Variants in TMEM163 observed in about 807,000 individuals in gnomAD.
TMEM163 encodes transmembrane protein 163.
A neutral mutation model predicts 29.3 loss-of-function variants in TMEM163; 17 were observed. The observed-to-expected ratio is 0.58, with a 90% confidence interval of 0.40 to 0.87. The LOEUF (loss-of-function observed/expected upper bound fraction) is 0.87. TMEM163 is among the 40% of genes least tolerant of loss of function. The probability of loss-of-function intolerance (pLI) is 0.00; values close to 1 mark genes in which losing one functional copy is unlikely to be tolerated. For missense variants in TMEM163, 303 were observed against 381.5 expected, an observed-to-expected ratio of 0.79 and a Z score of 1.71; for synonymous variants, 157 against 160.6, an observed-to-expected ratio of 0.98 and a Z score of 0.17.
chr2:134,527,905 A>G (rs1205658100), intron 4 of TMEM163, among the ~76,000 whole-genome samples: 4 of 152,212 alleles, frequency 2.6e-5, no homozygotes, highest in Admixed American at 6.5e-5. Context: ...AATATTTCCA[A>G]ATGCCATTCA....
chr2:134,562,521 G>C lies in TMEM163; in HGVS notation c.323-10430C>G, dbSNP rs558097674. ...TTGCCAGGCCACTGAGATGGCCCTTGGTCTGCACTGCTGATTCCAAACACA... is the reference window on the plus strand; with the variant it reads ...TTGCCAGGCCACTGAGATGGCCCTTCGTCTGCACTGCTGATTCCAAACACA... On this transcript the variant is annotated intron_variant, in intron 2 of 7. Coordinates refer to ENST00000281924, the MANE Select transcript of TMEM163 (RefSeq NM_030923.5). Among the ~76,000 whole-genome samples the C allele has an allele frequency of 9.8e-5, 15 of 152,330 alleles. No individual in the cohort carries two copies. The South Asian group carries it at 3.1e-3, about 32-fold the overall frequency.
chr2:134,678,690 C>T (rs1684170231), intron 2 of TMEM163, among the ~76,000 whole-genome samples: 2 of 152,136 alleles, frequency 1.3e-5, no homozygotes, highest in Admixed American at 1.3e-4. Flanking sequence ...TTCCCCAGGT[C>T]GACTGGGCTG....
At chr2:134,458,246 G>A in intron 6 of TMEM163, 73 bp from the exon 7 acceptor site, 1 of 1,574,440 alleles carries the variant, frequency 6.4e-7, no homozygotes, top group South Asian at 1.1e-5. Context: ...TGCCAGTCCT[G>A]CCTCCACGTA....
intron 2 of TMEM163, among the ~76,000 whole-genome samples, chr2:134,647,045 C>G (rs934005171): frequency 2.6e-5 from 4 of 152,178 alleles, no homozygotes; most frequent in African/African-American, 9.7e-5. Flanking sequence ...TGAGAAGTAA[C>G]AAGAAGACAG....
At chr2:134,627,454 A>C (rs1216083928) in intron 2 of TMEM163, among the ~76,000 whole-genome samples, 1 of 152,194 alleles carries the variant, frequency 6.6e-6, no homozygotes, top group Non-Finnish European at 1.5e-5. Flanking sequence ...CTGGGATGTA[A>C]GAGAACACTG....
At chr2:134,625,240 C>CA (rs1226936911) in intron 2 of TMEM163, among the ~76,000 whole-genome samples, 5 of 151,826 alleles carry the variant, frequency 3.3e-5, no homozygotes, top group South Asian at 2.1e-4. Flanking sequence ...TAATGCCTCT[C>CA]AAAAAAAAGA....
intron 5 of TMEM163, among the ~76,000 whole-genome samples, chr2:134,473,256 C>A (rs912163910): frequency 1.3e-5 from 2 of 152,056 alleles, no homozygotes; most frequent in African/African-American, 2.4e-5. Context: ...ATGAGACAGA[C>A]CAGGTGCGGT....
At chr2:134,505,189 A>G (rs546223159) in intron 4 of TMEM163, among the ~76,000 whole-genome samples, 63 of 150,646 alleles carry the variant, frequency 4.2e-4, no homozygotes, top group Non-Finnish European at 7.8e-4. Flanking sequence ...TCAGTCATCA[A>G]CTCAGCACTT....
rs927169510 is a variant in TMEM163, at chr2:134,553,821, GA to G, written c.323-1731del. Among the ~76,000 whole-genome samples, 88 of 152,120 alleles carry G rather than the reference GA, an allele frequency of 5.8e-4. 1 individual carries two copies. The highest frequency in any genetic ancestry group is 1.8e-4 in the Non-Finnish European group (12 of 68,030). The stretch of plus-strand genomic sequence containing the variant: ...TAAAGGGGCACTGGCCCTTCCTGGA[GA>G]ACATCAACTCACCAGCCATGCCAGC... On this transcript the variant is annotated intron_variant, in intron 2 of 7. Transcript: ENST00000281924.
chr2:134,516,846 G>A (rs919185145), intron 4 of TMEM163, among the ~76,000 whole-genome samples: 15 of 148,784 alleles, frequency 1.0e-4, no homozygotes, highest in African/African-American at 3.7e-4. Context: ...GCCAAACTCT[G>A]TCTACGGCCA....
At chr2:134,707,588 G>T (rs970923578) in intron 2 of TMEM163, among the ~76,000 whole-genome samples, 1 of 152,192 alleles carries the variant, frequency 6.6e-6, no homozygotes, top group East Asian at 1.9e-4. Flanking sequence ...GTATTTCAGG[G>T]GTAGGGGAAA....
At chr2:134,513,256 T>C (rs538106570) in intron 4 of TMEM163, among the ~76,000 whole-genome samples, 1 of 151,956 alleles carries the variant, frequency 6.6e-6, no homozygotes, top group South Asian at 2.1e-4. Context: ...AGATCAGGAG[T>C]GCAGCTGTGG....
rs986468890 is a variant in TMEM163 at position 134,684,647 on chromosome 2, C to T, written c.322+28553G>A. 5.3e-5 allele frequency among the ~76,000 whole-genome samples: 8 copies of T among 152,002 alleles called. No individual in the cohort carries two copies. In the East Asian group the frequency reaches 5.8e-4, roughly 11 times the overall value. On this transcript the variant is annotated intron_variant, in intron 2 of 7. Coordinates refer to ENST00000281924, the MANE Select transcript of TMEM163 (RefSeq NM_030923.5). ...ACAGAGAGATACCTTAAAAGCAGGC[C>T]GGGCGAGGTGGCTCATGCCTGTAAT...
chr2:134,671,398 C>A (rs559681564), intron 2 of TMEM163, among the ~76,000 whole-genome samples: 46 of 152,252 alleles, frequency 3.0e-4, no homozygotes, highest in Admixed American at 1.3e-3. Flanking sequence ...TCAGATCCAG[C>A]CACAGATGAC....
intron 4 of TMEM163, among the ~76,000 whole-genome samples, chr2:134,507,857 A>T (rs561470410): frequency 4.7e-5 from 7 of 150,364 alleles, no homozygotes; most frequent in African/African-American, 1.7e-4. Context: ...ACCCTGTCTC[A>T]CACACACACA....
At chr2:134,458,267 G>A in intron 6 of TMEM163, 94 bp from the exon 7 acceptor site, 2 of 1,477,814 alleles carry the variant, frequency 1.4e-6, no homozygotes, top group Admixed American at 1.9e-5. Context: ...ACTGGAGCAT[G>A]TGCTGGGAGG....
intron 4 of TMEM163, among the ~76,000 whole-genome samples, chr2:134,507,380 C>T (rs1270551305): frequency 6.8e-6 from 1 of 147,980 alleles, no homozygotes; most frequent in African/African-American, 2.5e-5. Context: ...AAATAAATAC[C>T]CACCGGATCA....
At chr2:134,458,739 C>G (rs1558908927) in intron 6 of TMEM163, 1 of 152,938 alleles carries the variant, frequency 6.5e-6, no homozygotes, top group Non-Finnish European at 1.5e-5. Context: ...GAAGGGCATT[C>G]TATCCCAACC....
Position 134,672,614 on chromosome 2 carries a change from C to T in TMEM163, c.322+40586G>A, listed in dbSNP as rs148321626. On this transcript the variant is annotated intron_variant, in intron 2 of 7. Coordinates refer to ENST00000281924, the MANE Select transcript of TMEM163 (RefSeq NM_030923.5). Reference sequence around the variant, plus strand: ...CTGATCTCAGACTCTTGGACTAAAGCGATCCTCCCACTTCAGCCTCCTAAA... The same window carrying T: ...CTGATCTCAGACTCTTGGACTAAAGTGATCCTCCCACTTCAGCCTCCTAAA... Among the ~76,000 whole-genome samples, 363 of 152,076 alleles carry T rather than the reference C, an allele frequency of 2.4e-3. 9 individuals are homozygous for T. The East Asian group carries it at 0.039, about 16-fold the overall frequency.
Sources: allele counts gnomAD v4.1 joint callset (sites outside exome capture counted in the v4.1 genomes callset), GRCh38; gene constraint gnomAD v4.1.1; transcripts MANE v1.5; gene names NCBI Gene and HGNC (gene_info 2026-07-23, HGNC 2026-07-21).